DNAH9: variants seen among roughly 807,000 people sequenced by gnomAD.
DNAH9 encodes dynein axonemal heavy chain 9.
A neutral mutation model predicts 471.6 loss-of-function variants in DNAH9; 345 were observed. The ratio of observed to expected loss-of-function variants is 0.73; its 90% CI spans 0.67 to 0.80. The LOEUF (loss-of-function observed/expected upper bound fraction) is 0.80. DNAH9 is among the 30% of genes least tolerant of loss of function. The probability of loss-of-function intolerance (pLI) is 0.00; values close to 1 mark genes in which losing one functional copy is unlikely to be tolerated. For synonymous variants in DNAH9, 2,093 were observed against 2,123.6 expected (o/e 0.99, Z 0.40); for missense variants, 5,407 against 5,609.2 (o/e 0.96, Z 1.15).
chr17:11,673,389 C>T (rs2074000761), intron 17 of DNAH9, among the ~76,000 whole-genome samples: 1 of 152,170 alleles, frequency 6.6e-6, no homozygotes, highest in South Asian at 2.1e-4. Context: ...TCTCTTTCCT[C>T]TCACCTTAGG....
chr17:11,842,215 C>T (rs1276376573), intron 49 of DNAH9, among the ~76,000 whole-genome samples: 2 of 152,094 alleles, frequency 1.3e-5, no homozygotes, highest in Non-Finnish European at 2.9e-5. Context: ...TCAGATTGAT[C>T]TAACTTATTA....
chr17:11,729,611 T>A (rs1421489916), intron 28 of DNAH9, among the ~76,000 whole-genome samples: 2 of 152,164 alleles, frequency 1.3e-5, no homozygotes, highest in African/African-American at 4.8e-5. Context: ...GGAAAGCGTT[T>A]AGCTTGACTG....
intron 36 of DNAH9, among the ~76,000 whole-genome samples, chr17:11,767,253 C>T (rs188326862): frequency 4.6e-5 from 7 of 152,174 alleles, no homozygotes; most frequent in Non-Finnish European, 1.0e-4. Context: ...ATCTGGTTTT[C>T]GTAGAAAGTT....
intron 1 of DNAH9, among the ~76,000 whole-genome samples, chr17:11,606,380 T>C (rs1397562829): frequency 1.3e-5 from 2 of 152,020 alleles, no homozygotes; most frequent in African/African-American, 4.8e-5. Flanking sequence ...TTCCATCACT[T>C]GTGAGATTTT....
Position 11,645,885 on chromosome 17 carries a change from T to C in DNAH9, c.1970+1186T>C, listed in dbSNP as rs912703471. On this transcript the variant is annotated intron_variant, in intron 11 of 68. Coordinates refer to ENST00000262442, the MANE Select transcript of DNAH9 (RefSeq NM_001372.4). ...CATTTCTCTTTTTCTTTTTCTTTTT[T>C]TTTTTTTTTTTTGAGACGGAGTCTT... Among the ~76,000 whole-genome samples the C allele has an allele frequency of 4.1e-5, 6 of 147,572 alleles. No individual in the cohort carries two copies. The South Asian group carries it at 8.5e-4, about 21-fold the overall frequency.
At position 11,752,873 on chromosome 17, in the gene DNAH9, C is replaced by A; in HGVS notation, c.6651C>A (p.Thr2217=). ...TCATGCGGGAGCTTGCCAACATCAC[C>A]CATGATGGGCCCAAGTGGATTTTAC... is the stretch of plus-strand genomic sequence containing the variant. ...SSIMRELANI[T]HDGPKWILLD... The change falls in exon 33 of 69, where the codon ACC becomes ACA. Residue 2217 remains threonine, a synonymous_variant. Transcript: ENST00000262442. 6.2e-7 allele frequency: 1 copy of A among 1,608,384 alleles called. No individual in the cohort carries two copies. Among genetic ancestry groups the A allele is most frequent in the South Asian group, 1.1e-5 (1 of 90,198 alleles).
Position 11,693,860 on chromosome 17 carries a change from A to C in DNAH9, c.4615-8A>C. 6.2e-7 allele frequency: 1 copy of C among 1,614,022 alleles called. No individual in the cohort carries two copies. Among genetic ancestry groups the C allele is most frequent in the East Asian group, 2.2e-5 (1 of 44,866 alleles). On this transcript the variant is annotated splice_polypyrimidine_tract_variant and splice_region_variant and intron_variant, in intron 20 of 68. Coordinates refer to ENST00000262442, the MANE Select transcript of DNAH9 (RefSeq NM_001372.4). ...GGTGGTTAATTGCTTCCACATTTTT[A>C]TTTGCAGGATTCTAAAAGGTTTGAA...
chr17:11,667,143 A>T (rs2073886051), intron 15 of DNAH9, among the ~76,000 whole-genome samples: 2 of 152,216 alleles, frequency 1.3e-5, no homozygotes, highest in South Asian at 4.1e-4. Context: ...TACAGTCAAA[A>T]CATTCTGTCA....
intron 58 of DNAH9, among the ~76,000 whole-genome samples, chr17:11,893,151 C>G (rs758439078): frequency 4.4e-4 from 65 of 147,530 alleles, no homozygotes; most frequent in South Asian, 1.4e-3. Flanking sequence ...ATTCCCCACT[C>G]CAGCCCAGAT....
chr17:11,778,843 C>T (rs1567796276), intron 38 of DNAH9, among the ~76,000 whole-genome samples: 1 of 151,906 alleles, frequency 6.6e-6, no homozygotes, highest in Non-Finnish European at 1.5e-5. Context: ...CCCATCTCTA[C>T]TAAAAACACA....
chr17:11,632,993 T>C (rs7226237), intron 8 of DNAH9, among the ~76,000 whole-genome samples: 76,972 of 151,894 alleles, frequency 0.51, 21,326 homozygotes, highest in African/African-American at 0.73. Flanking sequence ...GTAGGGAAAG[T>C]GTGACCATGC....
intron 49 of DNAH9, 79 bp from the exon 50 acceptor site, chr17:11,853,924 C>A: frequency 1.4e-6 from 2 of 1,422,092 alleles, no homozygotes; most frequent in Non-Finnish European, 1.9e-6. Context: ...CCGATCGCTC[C>A]ACAACCTAAC....
chr17:11,965,870 T>G (rs1976666349), intron 68 of DNAH9, among the ~76,000 whole-genome samples: 1 of 152,078 alleles, frequency 6.6e-6, no homozygotes. Flanking sequence ...CAGAATTGAA[T>G]AAGCAGAAAA....
intron 19 of DNAH9, among the ~76,000 whole-genome samples, chr17:11,683,394 G>A (rs529030886): frequency 1.7e-4 from 26 of 152,114 alleles, no homozygotes; most frequent in Non-Finnish European, 2.9e-4. Flanking sequence ...GACTGGTCCC[G>A]AACTCCTGAC....
At chr17:11,851,124 G>T (rs1212710469) in intron 49 of DNAH9, among the ~76,000 whole-genome samples, 1 of 151,028 alleles carries the variant, frequency 6.6e-6, no homozygotes, top group Non-Finnish European at 1.5e-5. Flanking sequence ...TGTTGTTGTT[G>T]TTTGAGATGG....
chr17:11,599,279 T>C (rs1352237454), intron 1 of DNAH9, among the ~76,000 whole-genome samples: 2 of 152,056 alleles, frequency 1.3e-5, no homozygotes, highest in Non-Finnish European at 2.9e-5. Context: ...TTCTGACTAC[T>C]TTCAAAATCA....
At chr17:11,961,760 A>C (rs767498917) in intron 67 of DNAH9, 107 bp from the exon 68 acceptor site, 3 of 1,312,552 alleles carry the variant, frequency 2.3e-6, no homozygotes, top group Non-Finnish European at 3.1e-6. Flanking sequence ...ACAAGGATGG[A>C]TAACTCTTGT....
At chr17:11,965,952 C>G (rs1019983202) in intron 68 of DNAH9, among the ~76,000 whole-genome samples, 1 of 152,064 alleles carries the variant, frequency 6.6e-6, no homozygotes, top group Admixed American at 6.6e-5. Context: ...TGAAGAGTCT[C>G]AGAGACCTGT....
rs1261561478 is a variant in DNAH9 at position 11,747,767 on chromosome 17, G to T, written c.6610+1G>T. On this transcript the variant is annotated splice_donor_variant, in intron 32 of 68. Coordinates refer to ENST00000262442, the MANE Select transcript of DNAH9 (RefSeq NM_001372.4). LOFTEE classifies it high-confidence loss of function. ...CCAGCCACAGGAGAATGGAAGGATG[G>T]TAAGAGTGGGATTCTCCCAGGAGAA... 1.2e-6 allele frequency: 2 copies of T among 1,611,884 alleles called. No homozygotes were observed. Among genetic ancestry groups the T allele is most frequent in the Non-Finnish European group, 8.5e-7 (1 of 1,178,060 alleles).
Sources: allele counts gnomAD v4.1 joint callset (sites outside exome capture counted in the v4.1 genomes callset), GRCh38; gene constraint gnomAD v4.1.1; transcripts MANE v1.5; gene names NCBI Gene and HGNC (gene_info 2026-07-23, HGNC 2026-07-21).